The following EPHB1 variants were observed in gnomAD, a reference collection of about 807,000 sequenced individuals.
The protein encoded by EPHB1 is EPH receptor B1, also known as ephrin type-B receptor 1.
In EPHB1, 30 loss-of-function variants were observed where a neutral mutation model predicts 94.4. The observed-to-expected ratio is 0.32, with a 90% CI of 0.24 to 0.43. The LOEUF is 0.43. Ranked by LOEUF, EPHB1 falls within the 20% of genes least tolerant of loss-of-function variation. The probability of loss-of-function intolerance (pLI) is 1.00; values close to 1 mark genes in which losing one functional copy is unlikely to be tolerated. For missense variants in EPHB1, 1,055 were observed against 1,308.3 expected, an observed-to-expected ratio of 0.81 and a Z score of 2.99; for synonymous variants, 522 against 489.1, an observed-to-expected ratio of 1.07 and a Z score of -0.89.
At chr3:135,093,596 C>T (rs1938637961) in intron 3 of EPHB1, among the ~76,000 whole-genome samples, 1 of 151,950 alleles carries the variant, frequency 6.6e-6, no homozygotes, top group African/African-American at 2.4e-5. Context: ...GTGGCACGTG[C>T]CTGTAGTCCC....
At chr3:135,142,310 G>A (rs1029920059) in intron 5 of EPHB1, among the ~76,000 whole-genome samples, 3 of 152,146 alleles carry the variant, frequency 2.0e-5, no homozygotes, top group Non-Finnish European at 2.9e-5. Context: ...GTGATCACAC[G>A]TTTAGAAAGC....
chr3:134,981,908 A>T (rs147073874), intron 3 of EPHB1, among the ~76,000 whole-genome samples: 250 of 152,324 alleles, frequency 1.6e-3, no homozygotes, highest in African/African-American at 5.8e-3. Flanking sequence ...GAGCATAATA[A>T]TTATTAATAT....
At chr3:135,018,328 G>T (rs780919169) in intron 3 of EPHB1, among the ~76,000 whole-genome samples, 3 of 152,038 alleles carry the variant, frequency 2.0e-5, no homozygotes, top group Non-Finnish European at 4.4e-5. Flanking sequence ...CTGACTTCCT[G>T]GGGGCTTCCT....
intron 3 of EPHB1, among the ~76,000 whole-genome samples, chr3:134,978,987 G>A (rs1224228729): frequency 2.0e-5 from 3 of 152,192 alleles, no homozygotes; most frequent in African/African-American, 4.8e-5. Context: ...CATGGAGGGT[G>A]GGGCCAGGGG....
At chr3:134,844,618 C>T (rs2036836066) in intron 1 of EPHB1, among the ~76,000 whole-genome samples, 1 of 152,188 alleles carries the variant, frequency 6.6e-6, no homozygotes, top group African/African-American at 2.4e-5. Flanking sequence ...GTTTCCTTCC[C>T]TAGCAGGACC....
intron 3 of EPHB1, among the ~76,000 whole-genome samples, chr3:134,970,502 T>C (rs1301630679): frequency 6.6e-6 from 1 of 152,204 alleles, no homozygotes; most frequent in East Asian, 1.9e-4. Flanking sequence ...TGGCACTTAT[T>C]ATAGTGTGAG....
intron 4 of EPHB1, among the ~76,000 whole-genome samples, chr3:135,124,196 TG>T (rs1479810421): frequency 1.3e-5 from 2 of 151,706 alleles, no homozygotes; most frequent in African/African-American, 2.4e-5. Context: ...TCCTTTGGGC[TG>T]GGGAACACTC....
At chr3:135,212,962 C>G (rs1943065765) in intron 12 of EPHB1, among the ~76,000 whole-genome samples, 1 of 152,210 alleles carries the variant, frequency 6.6e-6, no homozygotes, top group Non-Finnish European at 1.5e-5. Flanking sequence ...TACTTAAGAC[C>G]TCTCTACTCC....
Position 135,138,307 on chromosome 3 carries a change from TAGAC to T in EPHB1, c.1297+5261_1297+5264del, listed in dbSNP as rs1184747840. 3.9e-5 allele frequency among the ~76,000 whole-genome samples: 6 copies of T among 152,340 alleles called. No homozygotes were observed. In the East Asian group the frequency reaches 1.2e-3, roughly 29 times the overall value. ...ATTTTTAAGGCACTTTTGAAGTTCT[TAGAC>T]AGTTAAAATCACTCAGATACACTAA... On this transcript the variant is annotated intron_variant, in intron 5 of 15. Coordinates refer to ENST00000398015, the MANE Select transcript of EPHB1 (RefSeq NM_004441.5).
At chr3:135,218,926 G>T (rs937012460) in intron 12 of EPHB1, among the ~76,000 whole-genome samples, 1 of 152,220 alleles carries the variant, frequency 6.6e-6, no homozygotes, top group South Asian at 2.1e-4. Flanking sequence ...TAGGGGAAGA[G>T]CATGGCCAGT....
rs1196603537 is a variant in EPHB1, at chr3:134,815,771, T to C, written c.58+20082T>C. Among the ~76,000 whole-genome samples, 4 of 152,252 alleles carry C rather than the reference T, an allele frequency of 2.6e-5. No homozygotes were observed. The East Asian group carries it at 7.7e-4, about 29-fold the overall frequency. ...CCAGGGACTTTCTTTGATGGGGTCA[T>C]ATATCAGTTTTGACCTGGGGACATT... On this transcript the variant is annotated intron_variant, in intron 1 of 15. Transcript: ENST00000398015.
chr3:135,014,092 A>G (rs893807557), intron 3 of EPHB1, among the ~76,000 whole-genome samples: 1 of 152,124 alleles, frequency 6.6e-6, no homozygotes, highest in Non-Finnish European at 1.5e-5. Flanking sequence ...GGAAATCCAA[A>G]GGGCCCAGGT....
intron 4 of EPHB1, among the ~76,000 whole-genome samples, chr3:135,124,326 T>C (rs1204829204): frequency 6.6e-6 from 1 of 151,790 alleles, no homozygotes; most frequent in East Asian, 1.9e-4. Flanking sequence ...TCCTTCTCTG[T>C]GTATCATCAG....
intron 4 of EPHB1, among the ~76,000 whole-genome samples, chr3:135,129,780 A>T (rs925646721): frequency 6.6e-6 from 1 of 152,230 alleles, no homozygotes; most frequent in African/African-American, 2.4e-5. Context: ...TGGGTGCTAG[A>T]CCTTGAAGAG....
chr3:135,164,131 G>A (rs993138112), intron 7 of EPHB1, among the ~76,000 whole-genome samples: 4 of 152,122 alleles, frequency 2.6e-5, no homozygotes, highest in Non-Finnish European at 2.9e-5. Flanking sequence ...CATTGTTAAG[G>A]ATGCTTCATT....
At chr3:135,037,126 G>A (rs1369374497) in intron 3 of EPHB1, among the ~76,000 whole-genome samples, 2 of 152,198 alleles carry the variant, frequency 1.3e-5, no homozygotes, top group Non-Finnish European at 2.9e-5. Context: ...AGCACATGCT[G>A]AAGAGCTAGA....
chr3:135,005,326 T>C (rs1015312138), intron 3 of EPHB1, among the ~76,000 whole-genome samples: 17 of 152,298 alleles, frequency 1.1e-4, no homozygotes, highest in African/African-American at 3.1e-4. Context: ...CTCAGATCTC[T>C]AGCTGCGTGC....
At chr3:135,069,489 A>G (rs1006237240) in intron 3 of EPHB1, among the ~76,000 whole-genome samples, 6 of 152,124 alleles carry the variant, frequency 3.9e-5, no homozygotes, top group African/African-American at 1.4e-4. Context: ...GCAGGCAAAT[A>G]TGCTGGCTCC....
In EPHB1 at chr3:135,165,851, T is replaced by C. The variant is rs1441171316; in HGVS notation, c.1586-117T>C. ...TGGTTAGACTTACAACTCTGACACA[T>C]AGAAACTATCCTCTACATATATGTA... On this transcript the variant is annotated intron_variant, in intron 7 of 15. Coordinates refer to ENST00000398015, the MANE Select transcript of EPHB1 (RefSeq NM_004441.5). 6 of 677,880 alleles carry C rather than the reference T, an allele frequency of 8.9e-6. No homozygotes were observed. The East Asian group carries it at 1.6e-4, about 18-fold the overall frequency. The allele number at this position is 677,880 out of a possible 1,614,324, so 42.0% of individuals were successfully genotyped here.
Sources: gnomAD v4.1 joint callset for allele counts (sites outside exome capture counted in the v4.1 genomes callset) on GRCh38, gnomAD v4.1.1 for gene constraint, MANE v1.5 for transcripts, NCBI Gene and HGNC (gene_info 2026-07-23, HGNC 2026-07-21) for gene names.